SCN9A: variants seen among roughly 807,000 people sequenced by gnomAD.
SCN9A encodes the protein sodium channel protein type 9 subunit alpha.
In SCN9A, 131 loss-of-function variants were observed where a neutral mutation model predicts 187.0. The observed-to-expected ratio is 0.70, with a 90% CI of 0.61 to 0.81. The LOEUF (loss-of-function observed/expected upper bound fraction) is 0.81, where lower values mean the gene tolerates loss of function less well. SCN9A is among the 30% of genes least tolerant of loss of function. The pLI, the probability that SCN9A is intolerant of heterozygous loss-of-function variation, is 0.00. For synonymous variants in SCN9A, 809 were observed against 808.6 expected, an observed-to-expected ratio of 1.00 and a Z score of -0.01; for missense variants, 2,252 against 2,396.6, an observed-to-expected ratio of 0.94 and a Z score of 1.26.
At chr2:166,240,259 ATTAC>A (rs1347699570) in intron 19 of SCN9A, among the ~76,000 whole-genome samples, 2 of 152,174 alleles carry the variant, frequency 1.3e-5, no homozygotes, top group Middle Eastern at 3.2e-3. Context: ...AATGAGAGCT[ATTAC>A]TTCTTTTTAA....
At chr2:166,240,983 C>T (rs956280856) in intron 19 of SCN9A, among the ~76,000 whole-genome samples, 1 of 152,110 alleles carries the variant, frequency 6.6e-6, no homozygotes, top group African/African-American at 2.4e-5. Flanking sequence ...CCCCATGAGA[C>T]CTGGGTAAAG....
intron 18 of SCN9A, among the ~76,000 whole-genome samples, chr2:166,243,828 C>T (rs375317669): frequency 2.0e-5 from 3 of 151,926 alleles, no homozygotes; most frequent in African/African-American, 7.2e-5. Flanking sequence ...GATGTCTCCA[C>T]GGTACATGGA....
chr2:166,337,038 A>G (rs1699645759), intron 1 of SCN9A, among the ~76,000 whole-genome samples: 2 of 152,282 alleles, frequency 1.3e-5, no homozygotes, highest in South Asian at 4.1e-4. Context: ...CACTTTTCAC[A>G]TAGTCTAGAG....
At chr2:166,224,516 C>T (rs1433901893) in intron 24 of SCN9A, among the ~76,000 whole-genome samples, 1 of 152,142 alleles carries the variant, frequency 6.6e-6, no homozygotes, top group African/African-American at 2.4e-5. Context: ...CTCCAAAGAT[C>T]TCTTTTTGTA....
At chr2:166,336,953 G>A (rs1559048828) in intron 1 of SCN9A, among the ~76,000 whole-genome samples, 1 of 152,002 alleles carries the variant, frequency 6.6e-6, no homozygotes, top group Non-Finnish European at 1.5e-5. Context: ...AGAGAAAGGG[G>A]GTCCAGAGGA....
At chr2:166,350,873 T>A (rs1422081725) in intron 1 of SCN9A, among the ~76,000 whole-genome samples, 53 of 152,314 alleles carry the variant, frequency 3.5e-4, no homozygotes, top group Non-Finnish European at 1.0e-4. Flanking sequence ...CAAAAGATGG[T>A]TATAACTAAG....
chr2:166,231,548 C>CTTTTT (rs57067738), intron 21 of SCN9A, among the ~76,000 whole-genome samples: 32 of 99,038 alleles, frequency 3.2e-4, no homozygotes, highest in East Asian at 9.9e-4. Flanking sequence ...CAAGAATTTG[C>CTTTTT]TTTTTTTTTT....
chr2:166,201,500 G>T (rs60673530), intron 26 of SCN9A, among the ~76,000 whole-genome samples: 1 of 90,002 alleles, frequency 1.1e-5, no homozygotes, highest in Non-Finnish European at 2.2e-5. Context: ...ATATAGTATA[G>T]AGTATGCGTA....
chr2:166,288,652 A>T lies in SCN9A; in HGVS notation c.1108-9T>A. On this transcript the variant is annotated splice_polypyrimidine_tract_variant and intron_variant, in intron 9 of 26. Coordinates refer to ENST00000642356, the MANE Select transcript of SCN9A (RefSeq NM_001365536.1). ...CCAGCAGCACGCAGCGTCTAGGGAA[A>T]AATGGAAATTGTCATTTGAACAATA... 6.5e-7 allele frequency: 1 copy of T among 1,528,788 alleles called. No individual in the cohort carries two copies. Among genetic ancestry groups the T allele is most frequent in the Non-Finnish European group, 8.8e-7 (1 of 1,134,838 alleles). 94.7% of individuals were successfully genotyped at this position (1,528,788 alleles called of 1,614,324 possible). A position where few individuals can be genotyped will look rare whatever the true frequency, so the allele number is the denominator to read the frequency against.
chr2:166,277,570 T>C (rs1574852506), intron 15 of SCN9A: 1 of 444,308 alleles, frequency 2.3e-6, no homozygotes, highest in East Asian at 3.5e-5. Context: ...TATGTACTTT[T>C]AGTTCAGGAT....
At chr2:166,370,271 C>T (rs564107843) in intron 1 of SCN9A, among the ~76,000 whole-genome samples, 11 of 143,392 alleles carry the variant, frequency 7.7e-5, no homozygotes, top group Non-Finnish European at 1.5e-4. Flanking sequence ...GGGCTGAGCG[C>T]GGTGGCTCAT....
At chr2:166,214,776 A>T (rs1427002599) in intron 24 of SCN9A, among the ~76,000 whole-genome samples, 1 of 151,448 alleles carries the variant, frequency 6.6e-6, no homozygotes, top group Non-Finnish European at 1.5e-5. Context: ...GGCCTCCCAA[A>T]GTGCTGGGAT....
chr2:166,275,656 A>G (rs1574848996), intron 16 of SCN9A, among the ~76,000 whole-genome samples: 1 of 152,066 alleles, frequency 6.6e-6, no homozygotes, highest in Non-Finnish European at 1.5e-5. Context: ...GAAGAAACAA[A>G]GAGAATGTGC....
At chr2:166,360,442 T>C (rs1261996110) in intron 1 of SCN9A, among the ~76,000 whole-genome samples, 1 of 152,134 alleles carries the variant, frequency 6.6e-6, no homozygotes, top group Non-Finnish European at 1.5e-5. Context: ...TAAGACTTTA[T>C]TGAGAGCACA....
At chr2:166,240,211 T>C (rs892765748) in intron 19 of SCN9A, among the ~76,000 whole-genome samples, 1 of 152,096 alleles carries the variant, frequency 6.6e-6, no homozygotes, top group African/African-American at 2.4e-5. Context: ...AATGAGAAAA[T>C]CTAAAAGAAG....
At chr2:166,234,620 T>C (rs907924172) in intron 20 of SCN9A, among the ~76,000 whole-genome samples, 2 of 152,134 alleles carry the variant, frequency 1.3e-5, no homozygotes, top group African/African-American at 4.8e-5. Context: ...TTTTTTTAAA[T>C]TCCTAAAGCT....
At chr2:166,284,988 C>A (rs1697673897) in intron 11 of SCN9A, among the ~76,000 whole-genome samples, 164 bp from the exon 12 acceptor site, 1 of 152,188 alleles carries the variant, frequency 6.6e-6, no homozygotes, top group African/African-American at 2.4e-5. Context: ...AAAACTTCTT[C>A]CACTTAAGGG....
At chr2:166,373,799 TG>T in intron 1 of SCN9A, among the ~76,000 whole-genome samples, 1 of 152,156 alleles carries the variant, frequency 6.6e-6, no homozygotes, top group Non-Finnish European at 1.5e-5. Flanking sequence ...GATCATGACT[TG>T]TCTTAGAAAA....
In SCN9A at chr2:166,197,692, T is replaced by A. The variant is rs1693283631; in HGVS notation, c.*980A>T. The A allele has an allele frequency of 6.6e-6, 1 of 152,174 alleles. No homozygotes were observed. Among genetic ancestry groups the A allele is most frequent in the Admixed American group, 6.5e-5 (1 of 15,278 alleles). 9.4% of individuals were successfully genotyped at this position (152,174 alleles called of 1,614,324 possible). On this transcript the variant is annotated 3_prime_UTR_variant, in exon 27 of 27. Coordinates refer to ENST00000642356, the MANE Select transcript of SCN9A (RefSeq NM_001365536.1). ...ACAACTAACTGCATATCAGGAAGGA[T>A]TTCATCAACTTTGCTTACAGCGAAA...
Sources: gnomAD v4.1 joint callset for allele counts (sites outside exome capture counted in the v4.1 genomes callset) on GRCh38, gnomAD v4.1.1 for gene constraint, MANE v1.5 for transcripts, NCBI Gene and HGNC (gene_info 2026-07-23, HGNC 2026-07-21) for gene names.